The following ITCH variants were observed in gnomAD, a reference collection of about 807,000 sequenced individuals.
ITCH encodes the protein itchy E3 ubiquitin protein ligase, also known as E3 ubiquitin-protein ligase Itchy homolog.
In ITCH, 28 loss-of-function variants were observed where a neutral mutation model predicts 126.8. The ratio of observed to expected loss-of-function variants is 0.22; its 90% CI spans 0.16 to 0.30. The LOEUF (loss-of-function observed/expected upper bound fraction) is 0.30. Among genes scored for constraint, ITCH ranks in the 10% least tolerant of loss-of-function variants. The pLI is 1.00. For synonymous variants in ITCH, 342 were observed against 340.0 expected (o/e 1.01, Z -0.06); for missense variants, 631 against 1,032.4 (o/e 0.61, Z 5.33).
chr20:34,394,682 A>G (rs2038610376), intron 3 of ITCH, among the ~76,000 whole-genome samples: 1 of 152,212 alleles, frequency 6.6e-6, no homozygotes, highest in Non-Finnish European at 1.5e-5. Flanking sequence ...ACATCTTATT[A>G]GCATGCATGG....
chr20:34,471,579 T>C (rs931968448), intron 16 of ITCH, 64 bp downstream of exon 16: 1 of 1,001,928 alleles, frequency 1.0e-6, no homozygotes, highest in African/African-American at 1.6e-5. Context: ...CTTTTGGTGC[T>C]GTCAGTTTAA....
intron 3 of ITCH, among the ~76,000 whole-genome samples, chr20:34,397,053 A>G (rs1229468527): frequency 6.6e-6 from 1 of 151,200 alleles, no homozygotes; most frequent in Non-Finnish European, 1.5e-5. Flanking sequence ...TTTGAGACAG[A>G]GTCTCTGTCG....
chr20:34,403,376 C>G (rs1394976917), intron 3 of ITCH, among the ~76,000 whole-genome samples: 1 of 152,092 alleles, frequency 6.6e-6, no homozygotes, highest in Non-Finnish European at 1.5e-5. Flanking sequence ...GCCATGAAAA[C>G]TATTTGCATT....
chr20:34,457,084 G>A lies in ITCH; in HGVS notation c.1211-306G>A, dbSNP rs560719405. 1.3e-3 allele frequency among the ~76,000 whole-genome samples: 204 copies of A among 152,240 alleles called. 5 individuals are homozygous for A. The South Asian group carries it at 0.017, about 13-fold the overall frequency. ...CTATTAAGAATAAAATGAAGGTCCT[G>A]TGTAAAAAACTAAATAACTGTTCAT... On this transcript the variant is annotated intron_variant, in intron 12 of 24. Coordinates refer to ENST00000374864, the MANE Select transcript of ITCH (RefSeq NM_031483.7).
intron 6 of ITCH, among the ~76,000 whole-genome samples, chr20:34,417,702 G>A (rs1343567160): frequency 2.2e-5 from 2 of 92,914 alleles, no homozygotes; most frequent in Non-Finnish European, 4.5e-5. Flanking sequence ...GCCTGGCCCA[G>A]CTTTTTTTTT....
intron 7 of ITCH, 33 bp downstream of exon 7, chr20:34,424,558 C>A: frequency 1.3e-6 from 2 of 1,551,720 alleles, no homozygotes; most frequent in Non-Finnish European, 1.8e-6. Flanking sequence ...CCACAGAATG[C>A]GGAGAGATAG....
chr20:34,477,355 A>G (rs2146454921), intron 16 of ITCH, among the ~76,000 whole-genome samples: 1 of 152,040 alleles, frequency 6.6e-6, no homozygotes, highest in South Asian at 2.1e-4. Context: ...ACATGGCAAA[A>G]CCCCGTCTCT....
chr20:34,380,605 C>CTT lies in ITCH; in HGVS notation c.-22+11156_-22+11157dup, dbSNP rs35848431. On this transcript the variant is annotated intron_variant, in intron 2 of 24. Coordinates refer to ENST00000374864, the MANE Select transcript of ITCH (RefSeq NM_031483.7). Reference sequence around the variant, plus strand: ...TGTCTTTCCATTTTCTTAATGATGTCTTTTTTTTTTTTTTTTTTTTTTGCA... The same window carrying CTT: ...TGTCTTTCCATTTTCTTAATGATGTCTTTTTTTTTTTTTTTTTTTTTTTTGCA... Among the ~76,000 whole-genome samples the CTT allele has an allele frequency of 4.7e-3, 329 of 69,274 alleles. 8 individuals are homozygous for CTT. Among genetic ancestry groups the CTT allele is most frequent in the African/African-American group, 0.013 (211 of 16,570 alleles). The allele number at this position is 69,274 out of a possible 152,430, so 45.4% of individuals were successfully genotyped here.
In ITCH at chr20:34,481,117, A is replaced by G. The variant is rs774096689; in HGVS notation, c.2004A>G (p.Lys668=). ...CDLEMYFSVD[K]EILGEIKSHD... ...TGGAAATGTACTTCTCCGTTGACAAAGAAATTCTAGGTGAAATTAAGAGTC... is the reference window on the plus strand; with the variant it reads ...TGGAAATGTACTTCTCCGTTGACAAGGAAATTCTAGGTGAAATTAAGAGTC... Residue 668 remains lysine (K), a synonymous_variant, in exon 20 of 25, where the codon AAA becomes AAG. Coordinates refer to ENST00000374864, the MANE Select transcript of ITCH (RefSeq NM_031483.7). The G allele has an allele frequency of 5.7e-5, 92 of 1,613,408 alleles. No homozygotes were observed. The highest frequency in any genetic ancestry group is 1.6e-4 in the Middle Eastern group (1 of 6,072).
intron 20 of ITCH, among the ~76,000 whole-genome samples, chr20:34,483,497 CA>C (rs1230523606): frequency 1.3e-5 from 2 of 152,178 alleles, no homozygotes; most frequent in African/African-American, 4.8e-5. Flanking sequence ...GTCTCTAGCA[CA>C]GGGGCAAAAT....
At chr20:34,477,688 A>G in intron 16 of ITCH, 84 bp from the exon 17 acceptor site, 1 of 1,248,598 alleles carries the variant, frequency 8.0e-7, no homozygotes, top group Non-Finnish European at 1.2e-6. Flanking sequence ...AGTTACCTAT[A>G]ACGAAGGAGA....
intron 14 of ITCH, among the ~76,000 whole-genome samples, chr20:34,463,828 G>A (rs892057034): frequency 1.3e-5 from 2 of 150,736 alleles, no homozygotes; most frequent in African/African-American, 4.9e-5. Context: ...AGTTTTAGGT[G>A]TTCTCTATAT....
intron 16 of ITCH, chr20:34,476,177 T>C (rs1462752016): frequency 2.5e-6 from 2 of 800,950 alleles, no homozygotes; most frequent in East Asian, 2.4e-5. Context: ...AAGCCATCAA[T>C]ATCTGGATTA....
At chr20:34,431,948 G>A (rs1250603681) in intron 7 of ITCH, among the ~76,000 whole-genome samples, 2 of 151,090 alleles carry the variant, frequency 1.3e-5, no homozygotes, top group East Asian at 3.9e-4. Context: ...GGAGGCTGAG[G>A]CAGGAGAATT....
intron 20 of ITCH, among the ~76,000 whole-genome samples, chr20:34,486,431 TTCTTCTGCC>T (rs918776128): frequency 6.6e-6 from 1 of 151,244 alleles, no homozygotes; most frequent in African/African-American, 2.4e-5. Flanking sequence ...GTTCAAGTGA[TTCTTCTGCC>T]TCAGCCTCCC....
intron 3 of ITCH, chr20:34,402,426 C>A (rs1457624040): frequency 1.3e-6 from 1 of 772,250 alleles, no homozygotes; most frequent in Non-Finnish European, 2.4e-6. Flanking sequence ...ACCCACTTTT[C>A]TTTCACATTT....
intron 20 of ITCH, among the ~76,000 whole-genome samples, chr20:34,488,715 A>C (rs932776406): frequency 6.6e-6 from 1 of 152,070 alleles, no homozygotes; most frequent in African/African-American, 2.4e-5. Flanking sequence ...CCTGTCTCAA[A>C]AAACAAAAAC....
At chr20:34,414,090 C>T (rs537801011) in intron 6 of ITCH, among the ~76,000 whole-genome samples, 1 of 149,356 alleles carries the variant, frequency 6.7e-6, no homozygotes, top group East Asian at 1.9e-4. Flanking sequence ...TGCTCTGAGC[C>T]GTAATCACAT....
In ITCH at chr20:34,510,487, A is replaced by T. The variant is rs1161749835; in HGVS notation, c.*2693A>T. On this transcript the variant is annotated 3_prime_UTR_variant, in exon 25 of 25. Coordinates refer to ENST00000374864, the MANE Select transcript of ITCH (RefSeq NM_031483.7). ...TTTTTTTTTACTGCATGTTACATTG[A>T]AATAAAAACAAAGTAAAATGAGCAA... The T allele has an allele frequency of 7.7e-6, 1 of 129,406 alleles. No homozygotes were observed. The highest frequency in any genetic ancestry group is 1.6e-5 in the Non-Finnish European group (1 of 63,344). 8.0% of individuals were successfully genotyped at this position (129,406 alleles called of 1,614,324 possible).
Sources: allele counts gnomAD v4.1 joint callset (sites outside exome capture counted in the v4.1 genomes callset), GRCh38; gene constraint gnomAD v4.1.1; transcripts MANE v1.5; gene names NCBI Gene and HGNC (gene_info 2026-07-23, HGNC 2026-07-21).